BFSP2: variants seen among roughly 807,000 people sequenced by gnomAD.
BFSP2 encodes beaded filament structural protein 2.
BFSP2 carries 38 observed loss-of-function variants against 44.9 expected under a neutral mutation model. That is an observed-to-expected ratio of 0.85 (90% CI 0.65 to 1.11). BFSP2 has a LOEUF of 1.11. Among genes scored for constraint, BFSP2 ranks in the 50% least tolerant of loss-of-function variants. The probability of loss-of-function intolerance (pLI) is 0.00; values close to 1 mark genes in which losing one functional copy is unlikely to be tolerated. For synonymous variants in BFSP2, 197 were observed against 209.9 expected, an observed-to-expected ratio of 0.94 and a Z score of 0.53; for missense variants, 525 against 533.0, an observed-to-expected ratio of 0.99 and a Z score of 0.15.
At chr3:133,420,182 G>A (rs1405607769) in intron 1 of BFSP2, among the ~76,000 whole-genome samples, 2 of 152,192 alleles carry the variant, frequency 1.3e-5, no homozygotes, top group African/African-American at 2.4e-5. Context: ...AGGAGAACCC[G>A]GGACATCTCA....
At chr3:133,459,786 A>G (rs958222845) in intron 4 of BFSP2, among the ~76,000 whole-genome samples, 1 of 152,232 alleles carries the variant, frequency 6.6e-6, no homozygotes, top group Non-Finnish European at 1.5e-5. Flanking sequence ...GCTAAATAAC[A>G]TATGACACCA....
At chr3:133,428,370 G>A (rs2073674030) in intron 1 of BFSP2, among the ~76,000 whole-genome samples, 1 of 152,232 alleles carries the variant, frequency 6.6e-6, no homozygotes, top group Non-Finnish European at 1.5e-5. Context: ...CTGTCAGACA[G>A]AGCCAGTAAG....
intron 4 of BFSP2, among the ~76,000 whole-genome samples, chr3:133,459,871 A>G (rs1559981247): frequency 6.6e-6 from 1 of 152,352 alleles, no homozygotes; most frequent in African/African-American, 2.4e-5. Flanking sequence ...ATTTGATCTC[A>G]TCCTATTCCT....
intron 1 of BFSP2, among the ~76,000 whole-genome samples, chr3:133,408,439 A>G (rs1465953993): frequency 6.6e-6 from 1 of 152,214 alleles, no homozygotes; most frequent in East Asian, 1.9e-4. Context: ...CCCTATGGAG[A>G]AAAATTTGGC....
chr3:133,461,302 T>C (rs1393800090), intron 4 of BFSP2, among the ~76,000 whole-genome samples: 1 of 152,250 alleles, frequency 6.6e-6, no homozygotes, highest in Non-Finnish European at 1.5e-5. Flanking sequence ...AAAAACATGC[T>C]AATTTAATTT....
intron 4 of BFSP2, among the ~76,000 whole-genome samples, chr3:133,457,927 G>T (rs1251575730): frequency 6.6e-6 from 1 of 152,140 alleles, no homozygotes; most frequent in Non-Finnish European, 1.5e-5. Flanking sequence ...CCAATCTTTT[G>T]CTATTAGAAG....
intron 1 of BFSP2, among the ~76,000 whole-genome samples, chr3:133,415,723 C>T (rs1337976551): frequency 1.4e-5 from 2 of 144,212 alleles, no homozygotes; most frequent in Non-Finnish European, 3.0e-5. Context: ...CCCCTCTACT[C>T]ATCCCTCTAT....
intron 1 of BFSP2, among the ~76,000 whole-genome samples, chr3:133,430,291 A>C (rs544375072): frequency 6.6e-6 from 1 of 151,944 alleles, no homozygotes; most frequent in African/African-American, 2.4e-5. Flanking sequence ...TGGCTGGGTC[A>C]AATGGTATTT....
intron 1 of BFSP2, chr3:133,410,505 C>A: frequency 7.1e-6 from 2 of 280,448 alleles, no homozygotes; most frequent in South Asian, 9.2e-5. Flanking sequence ...TGGGAATGAT[C>A]AGCATAGCAA....
At chr3:133,423,532 T>C (rs1427463228) in intron 1 of BFSP2, among the ~76,000 whole-genome samples, 1 of 9,710 alleles carries the variant, frequency 1.0e-4, no homozygotes, top group Non-Finnish European at 2.0e-4. Context: ...TTCCGTACTT[T>C]GGGGGCGGGC....
At chr3:133,420,527 G>T (rs1057463991) in intron 1 of BFSP2, among the ~76,000 whole-genome samples, 1 of 152,174 alleles carries the variant, frequency 6.6e-6, no homozygotes, top group Non-Finnish European at 1.5e-5. Flanking sequence ...GAGTGAGCTG[G>T]TCTGATTATT....
intron 4 of BFSP2, among the ~76,000 whole-genome samples, chr3:133,456,195 G>A (rs2074011396): frequency 6.6e-6 from 1 of 152,180 alleles, no homozygotes; most frequent in Non-Finnish European, 1.5e-5. Flanking sequence ...GTCAGTTTGA[G>A]GCATCTGCGG....
chr3:133,465,218 T>C (rs2074099131), intron 4 of BFSP2, among the ~76,000 whole-genome samples: 2 of 151,920 alleles, frequency 1.3e-5, no homozygotes, highest in Admixed American at 1.3e-4. Flanking sequence ...TATTGGTCAG[T>C]CTGGTCTTGA....
chr3:133,437,733 T>C (rs559810290), intron 1 of BFSP2, among the ~76,000 whole-genome samples: 1 of 151,618 alleles, frequency 6.6e-6, no homozygotes, highest in African/African-American at 2.4e-5. Flanking sequence ...AACATGGGGG[T>C]AATGGAAGAT....
At chr3:133,403,823 CCCCA>C (rs2107874310) in intron 1 of BFSP2, among the ~76,000 whole-genome samples, 1 of 152,180 alleles carries the variant, frequency 6.6e-6, no homozygotes, top group South Asian at 2.1e-4. Flanking sequence ...CCTGTCTCAC[CCCCA>C]CCCAGAGGAG....
intron 1 of BFSP2, among the ~76,000 whole-genome samples, chr3:133,424,662 G>A (rs193238847): frequency 1.1e-4 from 17 of 152,186 alleles, no homozygotes; most frequent in African/African-American, 4.1e-4. Flanking sequence ...TTGAGACAGA[G>A]TCTCACTCTG....
intron 6 of BFSP2, among the ~76,000 whole-genome samples, chr3:133,474,371 G>T (rs748787945): frequency 9.9e-5 from 15 of 152,232 alleles, no homozygotes; most frequent in South Asian, 4.1e-4. Context: ...ACTGGGATGG[G>T]AGCCCAGGTC....
chr3:133,450,755 A>G (rs2073955805), intron 4 of BFSP2, among the ~76,000 whole-genome samples: 1 of 152,202 alleles, frequency 6.6e-6, no homozygotes, highest in Non-Finnish European at 1.5e-5. Context: ...AAATTTAGTA[A>G]TATGCACCAA....
intron 1 of BFSP2, among the ~76,000 whole-genome samples, chr3:133,443,863 G>T (rs934425520): frequency 7.2e-5 from 11 of 152,046 alleles, no homozygotes; most frequent in Admixed American, 6.6e-4. Flanking sequence ...ACCATTCATT[G>T]TACCCTTGGG....
Sources: gnomAD v4.1 joint callset for allele counts (sites outside exome capture counted in the v4.1 genomes callset) on GRCh38, gnomAD v4.1.1 for gene constraint, MANE v1.5 for transcripts, NCBI Gene and HGNC (gene_info 2026-07-23, HGNC 2026-07-21) for gene names.